Variants in LMBR1 observed in about 807,000 individuals in gnomAD.
LMBR1 encodes limb region 1 protein homolog.
In LMBR1, 52 loss-of-function variants were observed where a neutral mutation model predicts 73.9. That is an observed-to-expected ratio of 0.70 (90% CI 0.56 to 0.89). The LOEUF (loss-of-function observed/expected upper bound fraction) is 0.89, where lower values mean the gene tolerates loss of function less well. Among genes scored for constraint, LMBR1 ranks in the 40% least tolerant of loss-of-function variants. The probability of loss-of-function intolerance (pLI) is 0.00; values close to 1 mark genes in which losing one functional copy is unlikely to be tolerated. For missense variants in LMBR1, 539 were observed against 579.8 expected, an observed-to-expected ratio of 0.93 and a Z score of 0.72; for synonymous variants, 215 against 209.4, an observed-to-expected ratio of 1.03 and a Z score of -0.23.
intron 2 of LMBR1, chr7:156,834,691 T>C (rs924106824): frequency 1.9e-5 from 3 of 156,772 alleles, no homozygotes; most frequent in African/African-American, 7.3e-5. Context: ...ATTAAATATA[T>C]TGAAATATAT....
chr7:156,730,624 T>A lies in LMBR1; in HGVS notation c.839-1904A>T, dbSNP rs73166112. Among the ~76,000 whole-genome samples the A allele has an allele frequency of 1.7e-3, 261 of 152,220 alleles. 1 individual carries two copies. The highest frequency in any genetic ancestry group is 2.9e-3 in the Non-Finnish European group (194 of 68,008). ...AGTTTTGTATAAGAAATATCTGGCA[T>A]TCAATTAAACATTACCAGATATGGG... On this transcript the variant is annotated intron_variant, in intron 10 of 16. Transcript: ENST00000353442.
chr7:156,798,764 G>GA (rs1168837677), intron 4 of LMBR1, among the ~76,000 whole-genome samples: 4 of 152,066 alleles, frequency 2.6e-5, no homozygotes, highest in Admixed American at 6.5e-5. Flanking sequence ...TAGGCGTGGT[G>GA]AAAAATACAT....
chr7:156,882,756 G>A (rs1016614525), intron 1 of LMBR1, among the ~76,000 whole-genome samples: 5 of 152,234 alleles, frequency 3.3e-5, no homozygotes, highest in Non-Finnish European at 7.3e-5. Context: ...AGAGGGGCTG[G>A]GCGCAGTGGC....
intron 4 of LMBR1, among the ~76,000 whole-genome samples, chr7:156,813,241 C>T (rs780718814): frequency 2.0e-5 from 3 of 152,234 alleles, no homozygotes; most frequent in Admixed American, 6.5e-5. Context: ...TCATACTCCA[C>T]GTCTGAGCCT....
At chr7:156,769,743 T>C (rs540832602) in intron 5 of LMBR1, among the ~76,000 whole-genome samples, 2 of 152,208 alleles carry the variant, frequency 1.3e-5, no homozygotes, top group Admixed American at 6.5e-5. Context: ...TGGATGGATG[T>C]TGCATATGCG....
intron 1 of LMBR1, among the ~76,000 whole-genome samples, chr7:156,889,556 G>A (rs1250899955): frequency 2.0e-5 from 3 of 152,248 alleles, no homozygotes; most frequent in East Asian, 1.9e-4. Flanking sequence ...CACTGTCTGC[G>A]CTGGTTCTGT....
intron 4 of LMBR1, among the ~76,000 whole-genome samples, chr7:156,819,116 C>T (rs955914151): frequency 1.3e-5 from 2 of 152,212 alleles, no homozygotes; most frequent in Non-Finnish European, 2.9e-5. Flanking sequence ...TTTCTCACTG[C>T]AGACAGAGAT....
chr7:156,728,750 A>C, intron 10 of LMBR1, 30 bp from the exon 11 acceptor site: 1 of 1,456,222 alleles, frequency 6.9e-7, no homozygotes, highest in Non-Finnish European at 9.4e-7. Flanking sequence ...AATAAAACAA[A>C]GTTTTCTCCA....
At chr7:156,806,698 A>C (rs1470014928) in intron 4 of LMBR1, among the ~76,000 whole-genome samples, 1 of 128,088 alleles carries the variant, frequency 7.8e-6, no homozygotes, top group Non-Finnish European at 1.5e-5. Flanking sequence ...TGCAACCTCC[A>C]CCTCCCAGGT....
intron 1 of LMBR1, among the ~76,000 whole-genome samples, chr7:156,858,602 T>C (rs938334475): frequency 6.6e-6 from 1 of 152,162 alleles, no homozygotes; most frequent in Non-Finnish European, 1.5e-5. Flanking sequence ...AATAAAGGCA[T>C]TGAAATAAAG....
intron 1 of LMBR1, among the ~76,000 whole-genome samples, chr7:156,841,701 G>A (rs1838729569): frequency 1.3e-5 from 2 of 152,264 alleles, no homozygotes; most frequent in Non-Finnish European, 2.9e-5. Context: ...CACCATGGAG[G>A]TCACTGGTGA....
chr7:156,770,600 A>T (rs1345625083), intron 5 of LMBR1, among the ~76,000 whole-genome samples: 1 of 152,182 alleles, frequency 6.6e-6, no homozygotes, highest in East Asian at 1.9e-4. Context: ...CAACAAAATA[A>T]ATCCTAGCAA....
At chr7:156,709,472 TC>T (rs1206262113) in intron 15 of LMBR1, among the ~76,000 whole-genome samples, 1 of 152,120 alleles carries the variant, frequency 6.6e-6, no homozygotes, top group Admixed American at 6.5e-5. Context: ...CCCTGCCAAC[TC>T]CACCAAAGCA....
Position 156,734,432 on chromosome 7 carries a change from C to G in LMBR1, c.758-175G>C, listed in dbSNP as rs183827394. ...TCCATATATTTACCAATTAAAACTTCTTGCTGATTAAACACTACACGTTTC... is the reference window on the plus strand; with the variant it reads ...TCCATATATTTACCAATTAAAACTTGTTGCTGATTAAACACTACACGTTTC... On this transcript the variant is annotated intron_variant, in intron 9 of 16. Transcript: ENST00000353442. Among the ~76,000 whole-genome samples, 116 of 152,252 alleles carry G rather than the reference C, an allele frequency of 7.6e-4. 1 individual carries two copies. Among genetic ancestry groups the G allele is most frequent in the Middle Eastern group, 6.8e-3 (2 of 294 alleles).
At chr7:156,890,041 CA>C (rs1277161415) in intron 1 of LMBR1, among the ~76,000 whole-genome samples, 1 of 151,902 alleles carries the variant, frequency 6.6e-6, no homozygotes, top group Admixed American at 6.6e-5. Flanking sequence ...ACAAATAGAC[CA>C]ATAAAACCAC....
chr7:156,873,823 T>C (rs554863333), intron 1 of LMBR1, among the ~76,000 whole-genome samples: 164 of 151,934 alleles, frequency 1.1e-3, no homozygotes, highest in African/African-American at 3.3e-3. Flanking sequence ...AGAGTGTCGA[T>C]TGGTGCACTC....
At chr7:156,790,645 C>T (rs996153654) in intron 5 of LMBR1, among the ~76,000 whole-genome samples, 2 of 151,762 alleles carry the variant, frequency 1.3e-5, no homozygotes, top group African/African-American at 4.9e-5. Context: ...AAAGCTGTTA[C>T]TTAACAGTAA....
At chr7:156,716,493 G>A (rs907521551) in intron 15 of LMBR1, among the ~76,000 whole-genome samples, 7 of 152,198 alleles carry the variant, frequency 4.6e-5, no homozygotes, top group Admixed American at 2.0e-4. Flanking sequence ...AGAACCTTAT[G>A]TGCTAATTTT....
In LMBR1 at chr7:156,685,761, C is replaced by G. The variant is rs1805875402; in HGVS notation, c.1388-1598G>C. 6.6e-6 allele frequency among the ~76,000 whole-genome samples: 1 copy of G among 152,224 alleles called. No individual in the cohort carries two copies. ...GCCACACAGCAGCACTTCCACAGGG[C>G]AGATGTTGAGAAAATACTTTTCACG... On this transcript the variant is annotated intron_variant, in intron 16 of 16. Transcript: ENST00000353442. The surrounding 1 kb of genome is among the most constrained non-coding windows in gnomAD (Gnocchi z 4.1).
Sources: allele counts gnomAD v4.1 joint callset (sites outside exome capture counted in the v4.1 genomes callset), GRCh38; gene constraint gnomAD v4.1.1; non-coding constraint Gnocchi (gnomAD v3.1); transcripts MANE v1.5; gene names NCBI Gene and HGNC (gene_info 2026-07-23, HGNC 2026-07-21).